Variants in NEK2 observed in about 807,000 individuals in gnomAD.
NEK2 encodes NIMA related kinase 2, also known as serine/threonine-protein kinase Nek2.
In NEK2, 28 loss-of-function variants were observed where a neutral mutation model predicts 54.1. The observed-to-expected ratio is 0.52, with a 90% CI of 0.38 to 0.71. The LOEUF is 0.71. Among genes scored for constraint, NEK2 ranks in the 30% least tolerant of loss-of-function variants. The probability of loss-of-function intolerance (pLI) is 0.00; values close to 1 mark genes in which losing one functional copy is unlikely to be tolerated. For synonymous variants in NEK2, 176 were observed against 193.1 expected, an observed-to-expected ratio of 0.91 and a Z score of 0.73; for missense variants, 407 against 531.5, an observed-to-expected ratio of 0.77 and a Z score of 2.30.
chr1:211,669,379 A>T, intron 5 of NEK2, 47 bp from the exon 6 acceptor site: 6 of 1,512,432 alleles, frequency 4.0e-6, no homozygotes, highest in Non-Finnish European at 4.6e-6. Context: ...ATAACAGAAT[A>T]GTCCTCCTAA....
At chr1:211,661,023 C>T (rs534109201), downstream of NEK2, 8 of 740,386 alleles carry the variant, frequency 1.1e-5, no homozygotes, top group South Asian at 1.1e-4. Flanking sequence ...TATCAGCATC[C>T]TGTTTCCTTG....
chr1:211,661,228 C>T (rs2102437039), downstream of NEK2: 2 of 704,928 alleles, frequency 2.8e-6, no homozygotes, highest in Middle Eastern at 4.1e-4. Context: ...TGGGCATAAG[C>T]ATCTGATTTT....
chr1:211,661,780 CTT>C (rs1301799657), downstream of NEK2, among the ~76,000 whole-genome samples: 3 of 152,228 alleles, frequency 2.0e-5, no homozygotes, highest in African/African-American at 7.2e-5. Flanking sequence ...CAGCAAGTGT[CTT>C]TGGTTCACAA....
intron 3 of NEK2, among the ~76,000 whole-genome samples, chr1:211,673,002 T>G (rs1419592989): frequency 1.3e-5 from 2 of 151,890 alleles, no homozygotes. Context: ...ATATAGACTT[T>G]ATTGGTCTGG....
chr1:211,663,737 C>T (rs1655090201), intron 7 of NEK2, 85 bp from the exon 8 acceptor site: 2 of 1,292,242 alleles, frequency 1.5e-6, no homozygotes, highest in South Asian at 1.4e-5. Flanking sequence ...AAAGTATTTG[C>T]TCTTATGGCT....
chr1:211,659,596 G>A (rs1654965755), downstream of NEK2, among the ~76,000 whole-genome samples: 1 of 152,196 alleles, frequency 6.6e-6, no homozygotes. Flanking sequence ...CAGTACTGGT[G>A]ATCAAACAGC....
At chr1:211,672,615 T>TAAAA (rs71721781) in intron 3 of NEK2, among the ~76,000 whole-genome samples, 4 of 139,126 alleles carry the variant, frequency 2.9e-5, no homozygotes, top group Non-Finnish European at 1.6e-5. Flanking sequence ...AGTAAAATAT[T>TAAAA]AAAAAAAAAA....
chr1:211,671,671 T>A (rs1253334684), intron 3 of NEK2, among the ~76,000 whole-genome samples: 2 of 152,250 alleles, frequency 1.3e-5, no homozygotes, highest in Non-Finnish European at 2.9e-5. Flanking sequence ...AATAGCTAAT[T>A]GAATTATCCA....
At chr1:211,661,251 A>G (rs1455306064), downstream of NEK2, 9 of 671,238 alleles carry the variant, frequency 1.3e-5, no homozygotes, top group Middle Eastern at 4.4e-4. Context: ...ATCTCCATTC[A>G]TTCTGAGGGA....
intron 7 of NEK2, 24 bp from the exon 8 acceptor site, chr1:211,663,676 G>T: frequency 6.2e-7 from 1 of 1,606,130 alleles, no homozygotes; most frequent in Middle Eastern, 1.7e-4. Flanking sequence ...AAGAAAAAGG[G>T]CTCTGAGTTA....
At chr1:211,660,462 G>A, downstream of NEK2, 3 of 691,426 alleles carry the variant, frequency 4.3e-6, no homozygotes, top group Non-Finnish European at 8.2e-6. Context: ...AGCTGCATTT[G>A]TTGTCCTAGA....
chr1:211,662,267 G>A (rs1212273842), downstream of NEK2, among the ~76,000 whole-genome samples: 1 of 152,136 alleles, frequency 6.6e-6, no homozygotes, highest in African/African-American at 2.4e-5. The surrounding 1 kb of genome is among the most constrained non-coding windows in gnomAD (Gnocchi z 4.2). Flanking sequence ...TCGGCTTTCA[G>A]GATTTTAACA....
intron 7 of NEK2, among the ~76,000 whole-genome samples, chr1:211,666,091 C>T (rs933752693): frequency 6.6e-6 from 1 of 152,088 alleles, no homozygotes; most frequent in African/African-American, 2.4e-5. Flanking sequence ...CTTAAAGAGT[C>T]GATTAAATTA....
rs768803238 is a variant in NEK2 at position 211,675,368 on chromosome 1, T to C, written c.96+16A>G. 1.4e-5 allele frequency: 23 copies of C among 1,611,460 alleles called. No homozygotes were observed. In the South Asian group the frequency reaches 2.1e-4, roughly 15 times the overall value. ...AACCTAAGCAGGGGCAGGCGCAGGG[T>C]AGGTCCCACGCTCACCTTGCCATCA... On this transcript the variant is annotated intron_variant, in intron 1 of 7. Coordinates refer to ENST00000366999, the MANE Select transcript of NEK2 (RefSeq NM_002497.4).
chr1:211,671,314 A>G, intron 3 of NEK2, 30 bp from the exon 4 acceptor site: 4 of 1,504,996 alleles, frequency 2.7e-6, no homozygotes, highest in Non-Finnish European at 3.7e-6. Flanking sequence ...AAGAAAGTGG[A>G]AGGTGTTAAG....
intron 5 of NEK2, 147 bp downstream of exon 5, chr1:211,670,134 T>C (rs144369537): frequency 1.3e-6 from 1 of 792,982 alleles, no homozygotes; most frequent in Non-Finnish European, 1.8e-6. Flanking sequence ...AATTTACATA[T>C]GTTTTCACTT....
intron 7 of NEK2, among the ~76,000 whole-genome samples, chr1:211,665,850 T>C (rs187729369): frequency 2.6e-4 from 39 of 152,318 alleles, no homozygotes; most frequent in Non-Finnish European, 3.8e-4. Context: ...GTCTGTTCCA[T>C]TTACAAAATG....
chr1:211,658,756 A>G (rs1654944345), downstream of NEK2: 2 of 159,786 alleles, frequency 1.3e-5, no homozygotes, highest in African/African-American at 2.5e-4. Flanking sequence ...AAAGGAAAGA[A>G]AAAAAAAGAA....
rs1655065088 is a variant in NEK2 at position 211,663,228 on chromosome 1, GAAGA to G, written c.*194_*197del. Reference sequence around the variant, plus strand: ...TTCTTTTTATAATATGTTCTTAAAAGAAGAAAGAAAAATTAAATGTGAACATTTT... The same window carrying G: ...TTCTTTTTATAATATGTTCTTAAAAGAAGAAAAATTAAATGTGAACATTTT... On this transcript the variant is annotated 3_prime_UTR_variant, in exon 8 of 8. Coordinates refer to ENST00000366999, the MANE Select transcript of NEK2 (RefSeq NM_002497.4). 6.7e-6 allele frequency: 9 copies of G among 1,347,064 alleles called. No homozygotes were observed. The highest frequency in any genetic ancestry group is 2.7e-5 in the East Asian group (1 of 37,466). The allele number at this position is 1,347,064 out of a possible 1,614,324, so 83.4% of individuals were successfully genotyped here. A position where few individuals can be genotyped will look rare whatever the true frequency, so the allele number is the denominator to read the frequency against.
Sources: allele counts gnomAD v4.1 joint callset (sites outside exome capture counted in the v4.1 genomes callset), GRCh38; gene constraint gnomAD v4.1.1; non-coding constraint Gnocchi (gnomAD v3.1); transcripts MANE v1.5; gene names NCBI Gene and HGNC (gene_info 2026-07-23, HGNC 2026-07-21).